BUB1B: variants seen among roughly 807,000 people sequenced by gnomAD.
The protein encoded by BUB1B is BUB1 mitotic checkpoint serine/threonine kinase B, also known as mitotic checkpoint serine/threonine-protein kinase BUB1 beta.
In BUB1B, 86 loss-of-function variants were observed where a neutral mutation model predicts 137.7. The observed-to-expected ratio is 0.62, with a 90% CI of 0.52 to 0.75. The LOEUF is 0.75. BUB1B is among the 30% of genes least tolerant of loss of function. The probability of loss-of-function intolerance (pLI) is 0.00; values close to 1 mark genes in which losing one functional copy is unlikely to be tolerated. For synonymous variants in BUB1B, 420 were observed against 417.9 expected (o/e 1.00, Z -0.06); for missense variants, 1,130 against 1,236.9 (o/e 0.91, Z 1.30).
chr15:40,191,598 A>C (rs1320537693), intron 8 of BUB1B, among the ~76,000 whole-genome samples: 1 of 152,220 alleles, frequency 6.6e-6, no homozygotes, highest in Middle Eastern at 3.2e-3. Flanking sequence ...GGAGTTTTAT[A>C]GTTTTAGCTC....
At chr15:40,165,851 A>ATTTT (rs398039434) in intron 2 of BUB1B, among the ~76,000 whole-genome samples, 1 of 144,874 alleles carries the variant, frequency 6.9e-6, no homozygotes, top group Non-Finnish European at 1.5e-5. Flanking sequence ...ATCTCTTTGG[A>ATTTT]TTTTTTTTTT....
In BUB1B at chr15:40,176,583, C is replaced by T. The variant is rs751855402; in HGVS notation, c.491C>T (p.Ala164Val). The change falls in exon 5 of 23, where the codon GCT (alanine) becomes GTT (valine). Residue 164 changes from alanine to valine, a missense_variant. By Grantham distance (64) the Ala-to-Val change is moderately conservative. Transcript: ENST00000287598. ...FYISWAEEYE[A>V]RENFRKADAI... ...ATCTCATGGGCAGAAGAATATGAAG[C>T]TAGAGAAAACTTTAGGAAAGCAGAT... 1 of 1,614,004 alleles carries T rather than the reference C, an allele frequency of 6.2e-7. No homozygotes were observed. Among genetic ancestry groups the T allele is most frequent in the Middle Eastern group, 1.6e-4 (1 of 6,062 alleles).
intron 8 of BUB1B, among the ~76,000 whole-genome samples, chr15:40,190,972 C>CA (rs1370220903): frequency 6.6e-6 from 1 of 151,596 alleles, no homozygotes; most frequent in Non-Finnish European, 1.5e-5. Flanking sequence ...ACTGCAACCT[C>CA]AGCTTCCCGG....
At chr15:40,218,980 C>T (rs1294245953) in intron 22 of BUB1B, among the ~76,000 whole-genome samples, 11 of 152,174 alleles carry the variant, frequency 7.2e-5, no homozygotes, top group Non-Finnish European at 1.2e-4. Flanking sequence ...GGCATGATCT[C>T]GGCTCACTGC....
At chr15:40,164,236 GT>G (rs372600478) in intron 1 of BUB1B, among the ~76,000 whole-genome samples, 9 of 149,186 alleles carry the variant, frequency 6.0e-5, no homozygotes, top group Non-Finnish European at 7.5e-5. Flanking sequence ...TAATTTTAAT[GT>G]TTTTTTTTTG....
At chr15:40,171,079 G>T (rs2037156471) in intron 4 of BUB1B, among the ~76,000 whole-genome samples, 1 of 152,014 alleles carries the variant, frequency 6.6e-6, no homozygotes, top group East Asian at 1.9e-4. Context: ...GGGACTACAG[G>T]TGCTGTGCCA....
chr15:40,202,528 A>G (rs758511073), intron 13 of BUB1B, 61 bp from the exon 14 acceptor site: 101 of 1,593,146 alleles, frequency 6.3e-5, no homozygotes, highest in Non-Finnish European at 8.4e-5. Context: ...ATTATAAGTG[A>G]GGATAAATTA....
intron 12 of BUB1B, 59 bp downstream of exon 12, chr15:40,201,039 A>G: frequency 6.8e-7 from 1 of 1,476,886 alleles, no homozygotes; most frequent in South Asian, 1.2e-5. Flanking sequence ...ATTATGTAAT[A>G]AATGGTAAAT....
chr15:40,184,181 T>TTACA (rs1309513435), intron 6 of BUB1B, among the ~76,000 whole-genome samples: 1 of 152,156 alleles, frequency 6.6e-6, no homozygotes, highest in African/African-American at 2.4e-5. Context: ...AAAGTGAAGC[T>TTACA]TACATATACC....
intron 22 of BUB1B, among the ~76,000 whole-genome samples, chr15:40,219,805 TA>T (rs879631544): frequency 2.6e-4 from 38 of 147,804 alleles, no homozygotes; most frequent in Non-Finnish European, 2.7e-4. Flanking sequence ...ATTCTTTGGT[TA>T]AAAAAAAAAA....
intron 12 of BUB1B, among the ~76,000 whole-genome samples, chr15:40,201,195 G>A (rs909169223): frequency 6.6e-6 from 1 of 151,990 alleles, no homozygotes; most frequent in Non-Finnish European, 1.5e-5. Context: ...TGGTTTAATT[G>A]TAATTTTAAA....
chr15:40,197,726 C>T (rs930151702), intron 9 of BUB1B, among the ~76,000 whole-genome samples: 1 of 152,110 alleles, frequency 6.6e-6, no homozygotes, highest in African/African-American at 2.4e-5. Flanking sequence ...GTAAAGCAGA[C>T]TGTTAGTAAG....
Position 40,185,226 on chromosome 15 carries a change from A to C in BUB1B, c.813A>C (p.Arg271Ser). The C allele has an allele frequency of 6.2e-7, 1 of 1,614,120 alleles. No individual in the cohort carries two copies. Among genetic ancestry groups the C allele is most frequent in the Non-Finnish European group, 8.5e-7 (1 of 1,180,012 alleles). Residue 271 changes from arginine to serine, a missense_variant, in exon 7 of 23, where the codon AGA (arginine) becomes AGC (serine). Coordinates refer to ENST00000287598, the MANE Select transcript of BUB1B (RefSeq NM_001211.6). The part of the protein sequence containing the change: ...PFPQQMQNNS[R>S]ITVFDENADE... The stretch of plus-strand genomic sequence containing the variant: ...CTCAACAGATGCAAAATAATAGTAG[A>C]ATTACTGTTTTTGATGAAAATGCTG...
chr15:40,209,153 C>G (rs1208208800), intron 16 of BUB1B, among the ~76,000 whole-genome samples: 1 of 152,130 alleles, frequency 6.6e-6, no homozygotes, highest in African/African-American at 2.4e-5. Context: ...GGTGCGGTGG[C>G]TCACGCCTGT....
chr15:40,195,209 C>T (rs1030316395), intron 8 of BUB1B, among the ~76,000 whole-genome samples: 8 of 151,968 alleles, frequency 5.3e-5, no homozygotes, highest in African/African-American at 1.9e-4. Context: ...GCTTAGCTCC[C>T]ACTTATAAGT....
chr15:40,203,032 T>A (rs775044696), intron 14 of BUB1B, among the ~76,000 whole-genome samples: 6 of 152,248 alleles, frequency 3.9e-5, no homozygotes, highest in Non-Finnish European at 7.3e-5. Flanking sequence ...AGTTACCATA[T>A]GATCCTGCAG....
At chr15:40,161,374 C>G in intron 1 of BUB1B, 119 bp downstream of exon 1, 2 of 1,166,446 alleles carry the variant, frequency 1.7e-6, no homozygotes, top group East Asian at 3.0e-5. Context: ...CAGACCCCAC[C>G]GGAGCCTCCT....
At chr15:40,162,187 G>C (rs1257223517) in intron 1 of BUB1B, among the ~76,000 whole-genome samples, 1 of 152,214 alleles carries the variant, frequency 6.6e-6, no homozygotes. Context: ...TCAAAAGCTA[G>C]AGGTTCTATA....
Position 40,202,709 on chromosome 15 carries a change from C to T in BUB1B, c.1734+15C>T, listed in dbSNP as rs1298361756. The T allele has an allele frequency of 6.3e-7, 1 of 1,597,916 alleles. No individual in the cohort carries two copies. The highest frequency in any genetic ancestry group is 1.1e-5 in the South Asian group (1 of 90,728). Reference sequence around the variant, plus strand: ...CAGATGTTTGTGTAAGGAGCAGTATCCTTAAGTTAATGTAAATGGGCTAGT... The same window carrying T: ...CAGATGTTTGTGTAAGGAGCAGTATTCTTAAGTTAATGTAAATGGGCTAGT... On this transcript the variant is annotated intron_variant, in intron 14 of 22. Coordinates refer to ENST00000287598, the MANE Select transcript of BUB1B (RefSeq NM_001211.6).
Sources: allele counts gnomAD v4.1 joint callset (sites outside exome capture counted in the v4.1 genomes callset), GRCh38; gene constraint gnomAD v4.1.1; transcripts MANE v1.5; gene names NCBI Gene and HGNC (gene_info 2026-07-23, HGNC 2026-07-21).